The following TPH2 variants were observed in gnomAD, a reference collection of about 807,000 sequenced individuals.
TPH2 encodes tryptophan hydroxylase 2.
TPH2 carries 27 observed loss-of-function variants against 59.1 expected under a neutral mutation model. The observed-to-expected ratio is 0.46, with a 90% confidence interval of 0.34 to 0.63. The LOEUF is 0.63. Among genes scored for constraint, TPH2 ranks in the 30% least tolerant of loss-of-function variants. The pLI, the probability that TPH2 is intolerant of heterozygous loss-of-function variation, is 0.01. For synonymous variants in TPH2, 220 were observed against 210.5 expected (o/e 1.05, Z -0.39); for missense variants, 523 against 588.3 (o/e 0.89, Z 1.15).
chr12:71,983,090 G>A (rs1248338905), intron 7 of TPH2, among the ~76,000 whole-genome samples: 2 of 151,760 alleles, frequency 1.3e-5, no homozygotes, highest in African/African-American at 4.8e-5. Context: ...AGTGATGGCA[G>A]ATTAGACTGG....
chr12:71,947,288 C>T (rs1871222368), intron 4 of TPH2, among the ~76,000 whole-genome samples: 1 of 152,008 alleles, frequency 6.6e-6, no homozygotes, highest in African/African-American at 2.4e-5. Context: ...ATTTAAAGCT[C>T]CCAGGTGATT....
chr12:72,013,378 T>C (rs1873152500), intron 8 of TPH2, among the ~76,000 whole-genome samples: 1 of 152,218 alleles, frequency 6.6e-6, no homozygotes, highest in African/African-American at 2.4e-5. Context: ...CCGGTCTCAG[T>C]GTAGCCTGTG....
intron 2 of TPH2, among the ~76,000 whole-genome samples, chr12:71,942,166 C>A (rs1162461975): frequency 6.6e-6 from 1 of 152,190 alleles, no homozygotes; most frequent in Non-Finnish European, 1.5e-5. Context: ...ACACGGTATT[C>A]CCCTAAGTCT....
chr12:71,967,098 T>C (rs1871838531), intron 5 of TPH2, among the ~76,000 whole-genome samples: 1 of 152,182 alleles, frequency 6.6e-6, no homozygotes, highest in South Asian at 2.1e-4. Context: ...CTCAGTGGGG[T>C]ATATGTCCCT....
At chr12:71,989,214 T>C (rs1212945405) in intron 7 of TPH2, among the ~76,000 whole-genome samples, 2 of 152,078 alleles carry the variant, frequency 1.3e-5, no homozygotes, top group Non-Finnish European at 2.9e-5. Flanking sequence ...TTTTACAGTA[T>C]GCTATTTTAA....
chr12:72,003,239 T>C (rs1872871267), intron 8 of TPH2, among the ~76,000 whole-genome samples: 2 of 152,164 alleles, frequency 1.3e-5, no homozygotes, highest in Admixed American at 6.5e-5. Context: ...TCAGGCTTAT[T>C]TATTCCATGT....
intron 8 of TPH2, among the ~76,000 whole-genome samples, chr12:71,997,151 T>C (rs1393866985): frequency 1.3e-5 from 2 of 152,192 alleles, no homozygotes; most frequent in Non-Finnish European, 2.9e-5. Context: ...CCTTGGCTCA[T>C]GGCTTTCTTC....
chr12:71,980,855 C>G (rs1872255124), intron 7 of TPH2, among the ~76,000 whole-genome samples: 1 of 152,160 alleles, frequency 6.6e-6, no homozygotes, highest in Non-Finnish European at 1.5e-5. Context: ...TCGGCCAATT[C>G]ACTCAGCAAA....
At chr12:71,944,717 T>C in intron 4 of TPH2, 31 bp downstream of exon 4, 1 of 1,593,178 alleles carries the variant, frequency 6.3e-7, no homozygotes, top group Non-Finnish European at 8.6e-7. Context: ...ATTTCTCACA[T>C]GCTCTTTCAG....
At chr12:71,970,838 G>A (rs1871952536) in intron 5 of TPH2, among the ~76,000 whole-genome samples, 1 of 152,306 alleles carries the variant, frequency 6.6e-6, no homozygotes, top group Non-Finnish European at 1.5e-5. Context: ...CTCTAATTTG[G>A]TTTGTGGAAG....
intron 7 of TPH2, among the ~76,000 whole-genome samples, chr12:71,993,176 T>G (rs73144416): frequency 0.21 from 31,233 of 152,128 alleles, 3,461 homozygotes; most frequent in East Asian, 0.35. Flanking sequence ...ATTGAGTGAT[T>G]GAGTGATGCT....
chr12:71,999,309 CT>C (rs1430523083), intron 8 of TPH2, among the ~76,000 whole-genome samples: 1 of 152,218 alleles, frequency 6.6e-6, no homozygotes, highest in Admixed American at 6.5e-5. Flanking sequence ...TAAATGAACT[CT>C]TTTGTATCTG....
chr12:71,961,493 G>A (rs1871680712), intron 5 of TPH2: 1 of 1,329,624 alleles, frequency 7.5e-7, no homozygotes, highest in African/African-American at 1.5e-5. Context: ...TTTCAAACAA[G>A]GTGCAAGATG....
At chr12:71,951,744 G>A (rs993951905) in intron 5 of TPH2, among the ~76,000 whole-genome samples, 20 of 151,804 alleles carry the variant, frequency 1.3e-4, no homozygotes, top group African/African-American at 4.1e-4. Flanking sequence ...ACATGATTTC[G>A]GCCGGGTACA....
intron 8 of TPH2, among the ~76,000 whole-genome samples, chr12:72,002,561 T>C (rs1872852636): frequency 6.6e-6 from 1 of 152,122 alleles, no homozygotes; most frequent in African/African-American, 2.4e-5. Flanking sequence ...AATACAAATC[T>C]TAGAAACAAA....
chr12:72,000,094 A>T (rs1872784487), intron 8 of TPH2, among the ~76,000 whole-genome samples: 2 of 152,182 alleles, frequency 1.3e-5, no homozygotes, highest in Non-Finnish European at 2.9e-5. Context: ...TTTATTTAAA[A>T]CCCATTAATG....
chr12:71,999,444 T>A (rs1872769069), intron 8 of TPH2, among the ~76,000 whole-genome samples: 1 of 152,230 alleles, frequency 6.6e-6, no homozygotes, highest in African/African-American at 2.4e-5. Flanking sequence ...TGTTTCATAC[T>A]CATCATAGCT....
chr12:72,010,461 C>A (rs144173485), intron 8 of TPH2, among the ~76,000 whole-genome samples: 4 of 152,038 alleles, frequency 2.6e-5, no homozygotes, highest in African/African-American at 9.7e-5. Flanking sequence ...GATGATGATG[C>A]TAGTGGTGAT....
intron 9 of TPH2, among the ~76,000 whole-genome samples, chr12:72,024,710 GTC>G (rs1873521837): frequency 6.6e-6 from 1 of 152,212 alleles, no homozygotes; most frequent in Non-Finnish European, 1.5e-5. Context: ...GGATCTTCTG[GTC>G]TGGTTAATGA....
Sources: gnomAD v4.1 joint callset for allele counts (sites outside exome capture counted in the v4.1 genomes callset) on GRCh38, gnomAD v4.1.1 for gene constraint, MANE v1.5 for transcripts, NCBI Gene and HGNC (gene_info 2026-07-23, HGNC 2026-07-21) for gene names.